VSTM2A: variants seen among roughly 807,000 people sequenced by gnomAD.
The protein encoded by VSTM2A is V-set and transmembrane domain containing 2A.
VSTM2A carries 13 observed loss-of-function variants against 27.3 expected under a neutral mutation model. The ratio of observed to expected loss-of-function variants is 0.48; its 90% CI spans 0.31 to 0.76. VSTM2A has a LOEUF of 0.76. Ranked by LOEUF, VSTM2A falls within the 30% of genes least tolerant of loss-of-function variation. The pLI is 0.05. For missense variants in VSTM2A, 280 were observed against 310.0 expected, an observed-to-expected ratio of 0.90 and a Z score of 0.73; for synonymous variants, 142 against 125.7, an observed-to-expected ratio of 1.13 and a Z score of -0.87.
chr7:54,544,581 G>T, intron 1 of VSTM2A, 41 bp from the exon 2 acceptor site: 1 of 1,611,974 alleles, frequency 6.2e-7, no homozygotes, highest in Non-Finnish European at 8.5e-7. Flanking sequence ...TCAGGCAAGA[G>T]GGGTGTGGAT....
intron 4 of VSTM2A, chr7:54,550,390 T>C: frequency 2.3e-6 from 3 of 1,317,688 alleles, no homozygotes; most frequent in Non-Finnish European, 3.0e-6. Context: ...GTGCTTCATT[T>C]CCAGGGCATC....
At chr7:54,546,216 A>AG (rs1787960416) in intron 2 of VSTM2A, 1 of 149,946 alleles carries the variant, frequency 6.7e-6, no homozygotes, top group Admixed American at 6.7e-5. Flanking sequence ...GAGAGAAGGA[A>AG]GTAGGGGAAT....
chr7:54,553,895 T>C (rs752448228), intron 4 of VSTM2A: 3 of 1,551,234 alleles, frequency 1.9e-6, no homozygotes, highest in Non-Finnish European at 2.6e-6. Flanking sequence ...AAGTCAAACA[T>C]CTCCACAGAC....
At chr7:54,550,327 C>G (rs974692781) in intron 4 of VSTM2A, 157 bp downstream of exon 4, 51 of 1,460,064 alleles carry the variant, frequency 3.5e-5, no homozygotes, top group Non-Finnish European at 4.4e-5. Flanking sequence ...CGAGCCTGCA[C>G]CAATTCACTC....
intron 4 of VSTM2A, among the ~76,000 whole-genome samples, chr7:54,561,840 T>A (rs4947915): frequency 6.6e-6 from 1 of 152,256 alleles, no homozygotes; most frequent in East Asian, 1.9e-4. Flanking sequence ...CTTTTGTAGG[T>A]CCTATTGACA....
At chr7:54,542,876 A>T in intron 1 of VSTM2A, 67 bp downstream of exon 1, 1 of 1,444,434 alleles carries the variant, frequency 6.9e-7, no homozygotes, top group Non-Finnish European at 9.7e-7. Flanking sequence ...ACTCAAAAAG[A>T]ATGGACAGGC....
chr7:54,550,321 C>G, intron 4 of VSTM2A, 151 bp downstream of exon 4: 1 of 1,464,486 alleles, frequency 6.8e-7, no homozygotes, highest in South Asian at 1.4e-5. Context: ...GAGCACCGAG[C>G]CTGCACCAAT....
At chr7:54,550,281 C>G (rs1788147224) in intron 4 of VSTM2A, 111 bp downstream of exon 4, 1 of 1,508,494 alleles carries the variant, frequency 6.6e-7, no homozygotes, top group Non-Finnish European at 8.9e-7. Flanking sequence ...AAATCGGAGA[C>G]CTAGTTCAGT....
In VSTM2A at chr7:54,542,699, C is replaced by T. The variant is rs748505031; in HGVS notation, c.-32C>T. On this transcript the variant is annotated 5_prime_UTR_variant, in exon 1 of 5. Coordinates refer to ENST00000402613, the MANE Select transcript of VSTM2A (RefSeq NM_001301009.2). ...TCTTTCAGGGCTTTTCGGCTGTTGG[C>T]TACACTGATGTGACCCCCCTCCCTT... 94 of 1,605,658 alleles carry T rather than the reference C, an allele frequency of 5.9e-5. No homozygotes were observed. The highest frequency in any genetic ancestry group is 7.6e-5 in the Non-Finnish European group (89 of 1,173,990).
intron 4 of VSTM2A, among the ~76,000 whole-genome samples, chr7:54,562,017 C>T (rs920905198): frequency 1.3e-5 from 2 of 152,058 alleles, no homozygotes; most frequent in Non-Finnish European, 2.9e-5. Context: ...CTCCACCTCC[C>T]GGGTTCAAAC....
chr7:54,556,228 G>A (rs1478877414), intron 4 of VSTM2A, among the ~76,000 whole-genome samples: 1 of 152,192 alleles, frequency 6.6e-6, no homozygotes, highest in Non-Finnish European at 1.5e-5. Flanking sequence ...CTGCAGTGAA[G>A]GTGGTACTTG....
At chr7:54,544,575 G>C in intron 1 of VSTM2A, 47 bp from the exon 2 acceptor site, 1 of 1,610,930 alleles carries the variant, frequency 6.2e-7, no homozygotes, top group Non-Finnish European at 8.5e-7. Context: ...AGAGACTCAG[G>C]CAAGAGGGGT....
intron 2 of VSTM2A, chr7:54,546,586 C>T (rs1192046552): frequency 5.7e-6 from 1 of 174,116 alleles, no homozygotes; most frequent in Non-Finnish European, 1.2e-5. Context: ...CCACCCACCT[C>T]CGGGCGCGCG....
rs756136844 is a variant in VSTM2A, at chr7:54,544,572, C to T, written c.80-50C>T. The stretch of plus-strand genomic sequence containing the variant: ...TAGCGAGCTCTCAAGGAAAGAGACT[C>T]AGGCAAGAGGGGTGTGGATATTCCA... On this transcript the variant is annotated intron_variant, in intron 1 of 4. Coordinates refer to ENST00000402613, the MANE Select transcript of VSTM2A (RefSeq NM_001301009.2). The T allele has an allele frequency of 6.8e-6, 11 of 1,609,828 alleles. No individual in the cohort carries two copies. In the South Asian group the frequency reaches 9.9e-5, roughly 14 times the overall value.
intron 2 of VSTM2A, among the ~76,000 whole-genome samples, chr7:54,545,396 G>A (rs568781342): frequency 1.3e-5 from 2 of 148,858 alleles, no homozygotes; most frequent in Non-Finnish European, 3.0e-5. Flanking sequence ...GACGGAGAGA[G>A]GGAAGGGGGA....
At chr7:54,545,691 G>A (rs1468783246) in intron 2 of VSTM2A, among the ~76,000 whole-genome samples, 2 of 103,956 alleles carry the variant, frequency 1.9e-5, no homozygotes, top group Non-Finnish European at 3.9e-5. Context: ...GGGGAAAAAG[G>A]GAGAGAGGGA....
rs1478914177 is a variant in VSTM2A, at chr7:54,571,002, T to C, written c.*1783T>C. The C allele has an allele frequency of 6.6e-6, 1 of 152,248 alleles. No homozygotes were observed. Among genetic ancestry groups the C allele is most frequent in the Non-Finnish European group, 1.5e-5 (1 of 68,040 alleles). The allele number at this position is 152,248 out of a possible 1,614,324, so 9.4% of individuals were successfully genotyped here. On this transcript the variant is annotated 3_prime_UTR_variant, in exon 5 of 5. Transcript: ENST00000402613. The stretch of plus-strand genomic sequence containing the variant: ...CATGCTAAATCTTTTACTGCCACTT[T>C]TCTCATTCATTTGGTTTATCATTTC...
chr7:54,569,270 C>G lies in VSTM2A; in HGVS notation c.*51C>G. The G allele has an allele frequency of 6.5e-7, 1 of 1,547,842 alleles. No individual in the cohort carries two copies. Among genetic ancestry groups the G allele is most frequent in the Admixed American group, 2.0e-5 (1 of 50,438 alleles). ...CCGGAAGCATAAATGAAGAGGCTAT[C>G]ACATGCTTTGTTGATCATATTTTCT... On this transcript the variant is annotated 3_prime_UTR_variant, in exon 5 of 5. Coordinates refer to ENST00000402613, the MANE Select transcript of VSTM2A (RefSeq NM_001301009.2).
intron 4 of VSTM2A, chr7:54,554,203 C>A: frequency 7.1e-7 from 1 of 1,403,472 alleles, no homozygotes; most frequent in South Asian, 1.4e-5. Context: ...CTCGATCACT[C>A]CTTCCTGACA....
Sources: allele counts gnomAD v4.1 joint callset (sites outside exome capture counted in the v4.1 genomes callset), GRCh38; gene constraint gnomAD v4.1.1; transcripts MANE v1.5; gene names NCBI Gene and HGNC (gene_info 2026-07-23, HGNC 2026-07-21).